The following PLEKHH2 variants were observed in gnomAD, a reference collection of about 807,000 sequenced individuals.
The protein encoded by PLEKHH2 is pleckstrin homology, MyTH4 and FERM domain containing H2.
PLEKHH2 carries 129 observed loss-of-function variants against 187.9 expected under a neutral mutation model. That is an observed-to-expected ratio of 0.69 (90% confidence interval 0.59 to 0.79). PLEKHH2 has a LOEUF of 0.79. Ranked by LOEUF, PLEKHH2 falls within the 30% of genes least tolerant of loss-of-function variation. PLEKHH2 has a pLI of 0.00. For missense variants in PLEKHH2, 2,076 were observed against 1,751.2 expected (o/e 1.19, Z -3.31); for synonymous variants, 686 against 605.6 (o/e 1.13, Z -1.95).
At chr2:43,637,474 G>A (rs1440088769) in intron 1 of PLEKHH2, 95 bp downstream of exon 1, 1 of 152,562 alleles carries the variant, frequency 6.6e-6, no homozygotes, top group Non-Finnish European at 1.5e-5. Context: ...GGGCTCGCGG[G>A]GCCGAGGTTT....
chr2:43,726,525 A>G (rs7574334), intron 17 of PLEKHH2, 74 bp downstream of exon 17: 764,932 of 1,367,490 alleles, frequency 0.56, 219,154 homozygotes, highest in African/African-American at 0.74. Context: ...TAATTATCAA[A>G]TCAATTTAAT....
intron 19 of PLEKHH2, among the ~76,000 whole-genome samples, chr2:43,732,482 T>C (rs1338230242): frequency 6.6e-6 from 1 of 152,240 alleles, no homozygotes; most frequent in Non-Finnish European, 1.5e-5. Context: ...CTTGACCTTC[T>C]AAATTCCAGT....
intron 5 of PLEKHH2, among the ~76,000 whole-genome samples, chr2:43,694,740 T>C (rs1428192151): frequency 1.3e-5 from 2 of 152,188 alleles, no homozygotes. Context: ...ATAACTTTAT[T>C]CTAATAAGTT....
At chr2:43,720,252 G>C (rs115207897) in intron 15 of PLEKHH2, among the ~76,000 whole-genome samples, 5 of 151,328 alleles carry the variant, frequency 3.3e-5, no homozygotes, top group Admixed American at 1.3e-4. Flanking sequence ...AGCAAAACTT[G>C]CCATTCTACT....
At chr2:43,714,039 A>G (rs1670095480) in intron 15 of PLEKHH2, among the ~76,000 whole-genome samples, 1 of 152,200 alleles carries the variant, frequency 6.6e-6, no homozygotes, top group African/African-American at 2.4e-5. Flanking sequence ...GGAACAAAAT[A>G]TTTGCACAAT....
intron 28 of PLEKHH2, among the ~76,000 whole-genome samples, 180 bp downstream of exon 28, chr2:43,762,570 A>G (rs926120240): frequency 6.6e-6 from 1 of 152,210 alleles, no homozygotes; most frequent in Admixed American, 6.5e-5. Flanking sequence ...TAACCTTTTA[A>G]AACAAGATAA....
In PLEKHH2 at chr2:43,742,734, A is replaced by T. The variant is rs778340060; in HGVS notation, c.3222-7A>T. ...TCTTAGATTTTATCTTAAGTTTTGT[A>T]TTACAGGACAGAATTTGGAAAATAT... On this transcript the variant is annotated splice_region_variant and splice_polypyrimidine_tract_variant and intron_variant, in intron 21 of 29. Coordinates refer to ENST00000282406, the MANE Select transcript of PLEKHH2 (RefSeq NM_172069.4). 3 of 1,530,132 alleles carry T rather than the reference A, an allele frequency of 2.0e-6. No individual in the cohort carries two copies. The highest frequency in any genetic ancestry group is 4.4e-5 in the Admixed American group (2 of 45,172). The allele number at this position is 1,530,132 out of a possible 1,614,324, so 94.8% of individuals were successfully genotyped here.
chr2:43,673,956 A>G (rs1175735019), intron 2 of PLEKHH2, among the ~76,000 whole-genome samples: 1 of 152,210 alleles, frequency 6.6e-6, no homozygotes, highest in African/African-American at 2.4e-5. Context: ...AAGATAGTAC[A>G]AGATAGGAAG....
chr2:43,757,239 G>C lies in PLEKHH2; in HGVS notation c.3916G>C (p.Asp1306His). The part of the protein sequence containing the change: ...IEKFYPKRYR[D>H]GCSEEQLRQL... Reference sequence around the variant, plus strand: ...GAAATTTTATCCTAAAAGGTATAGAGATGGCTGTTCTGAAGAGCAGTTAAG... The same window carrying C: ...GAAATTTTATCCTAAAAGGTATAGACATGGCTGTTCTGAAGAGCAGTTAAG... Residue 1306 changes from aspartate to histidine, a missense_variant, in exon 26 of 30, where the codon GAT becomes CAT. By Grantham distance (81) the Asp-to-His change is moderately conservative. Transcript: ENST00000282406. 5 of 1,589,790 alleles carry C rather than the reference G, an allele frequency of 3.1e-6. No individual in the cohort carries two copies. The highest frequency in any genetic ancestry group is 4.3e-6 in the Non-Finnish European group (5 of 1,170,458).
intron 19 of PLEKHH2, among the ~76,000 whole-genome samples, chr2:43,733,854 A>C (rs189657118): frequency 6.6e-6 from 1 of 152,314 alleles, no homozygotes; most frequent in East Asian, 1.9e-4. Context: ...ATGTTTAAAA[A>C]TACCCACCTG....
intron 2 of PLEKHH2, among the ~76,000 whole-genome samples, chr2:43,654,330 G>A (rs981639532): frequency 3.3e-5 from 5 of 151,986 alleles, no homozygotes; most frequent in Non-Finnish European, 7.4e-5. Flanking sequence ...GAGTAGCTGG[G>A]ACTACAGGTG....
intron 19 of PLEKHH2, among the ~76,000 whole-genome samples, chr2:43,733,836 A>G (rs1280520264): frequency 2.0e-5 from 3 of 152,170 alleles, no homozygotes; most frequent in Non-Finnish European, 2.9e-5. Flanking sequence ...TAAAATTTCT[A>G]TAATGGAATG....
chr2:43,674,933 C>T (rs113003283), intron 2 of PLEKHH2, among the ~76,000 whole-genome samples: 1,697 of 150,448 alleles, frequency 0.011, 25 homozygotes, highest in African/African-American at 0.037. Context: ...TGCAGTGAGC[C>T]GAAATTGTGC....
intron 4 of PLEKHH2, among the ~76,000 whole-genome samples, chr2:43,694,153 A>G (rs1360801137): frequency 6.6e-6 from 1 of 152,186 alleles, no homozygotes; most frequent in Non-Finnish European, 1.5e-5. Context: ...GAAATGGCTT[A>G]TTTTGTTGAT....
At chr2:43,688,593 G>C (rs111949019) in intron 3 of PLEKHH2, among the ~76,000 whole-genome samples, 1 of 152,150 alleles carries the variant, frequency 6.6e-6, no homozygotes, top group Non-Finnish European at 1.5e-5. Context: ...AATAGCCCTG[G>C]AAGCTGTATT....
chr2:43,734,916 C>G (rs567057039), intron 19 of PLEKHH2, among the ~76,000 whole-genome samples: 2 of 152,294 alleles, frequency 1.3e-5, no homozygotes, highest in African/African-American at 2.4e-5. Flanking sequence ...AATCCCAGCA[C>G]TTTGGGAGGC....
Position 43,743,849 on chromosome 2 carries a change from G to T in PLEKHH2, c.3415G>T (p.Ala1139Ser). The change falls in exon 23 of 30, where the codon GCA (alanine) becomes TCA (serine). Residue 1139 changes from alanine to serine, a missense_variant. Coordinates refer to ENST00000282406, the MANE Select transcript of PLEKHH2 (RefSeq NM_172069.4). ...TTCTGTCTAGGTAGTTGGTTTTGAC[G>T]CATCTACCACAGTGGAAGAATTTTT... The part of the protein sequence containing the change: ...NGIYQVVGFD[A>S]STTVEEFLNT... 1 of 1,612,854 alleles carries T rather than the reference G, an allele frequency of 6.2e-7. No homozygotes were observed. Among genetic ancestry groups the T allele is most frequent in the Non-Finnish European group, 8.5e-7 (1 of 1,179,096 alleles).
chr2:43,747,499 A>G (rs1202737843), intron 24 of PLEKHH2, among the ~76,000 whole-genome samples: 1 of 152,206 alleles, frequency 6.6e-6, no homozygotes, highest in Non-Finnish European at 1.5e-5. Flanking sequence ...TTGTGTCAAG[A>G]ATTGAGAAAA....
chr2:43,722,492 C>G (rs1670528908), intron 16 of PLEKHH2, among the ~76,000 whole-genome samples: 1 of 152,112 alleles, frequency 6.6e-6, no homozygotes, highest in Non-Finnish European at 1.5e-5. Flanking sequence ...CAACATCAGC[C>G]ACCGTAGTCC....
Sources: allele counts gnomAD v4.1 joint callset (sites outside exome capture counted in the v4.1 genomes callset), GRCh38; gene constraint gnomAD v4.1.1; transcripts MANE v1.5; gene names NCBI Gene and HGNC (gene_info 2026-07-23, HGNC 2026-07-21).